FHAD1: variants seen among roughly 807,000 people sequenced by gnomAD.
FHAD1 encodes the protein forkhead associated phosphopeptide binding domain 1.
In FHAD1, 146 loss-of-function variants were observed where a neutral mutation model predicts 191.3. The ratio of observed to expected loss-of-function variants is 0.76; its 90% CI spans 0.67 to 0.88. FHAD1 has a LOEUF of 0.88. FHAD1 is among the 40% of genes least tolerant of loss of function. FHAD1 has a pLI of 0.00. For synonymous variants in FHAD1, 616 were observed against 672.3 expected, an observed-to-expected ratio of 0.92 and a Z score of 1.29; for missense variants, 1,635 against 1,785.8, an observed-to-expected ratio of 0.92 and a Z score of 1.52.
upstream of FHAD1, among the ~76,000 whole-genome samples, chr1:15,242,331 CTGGTTAA>C (rs1645488633): frequency 1.3e-5 from 2 of 151,496 alleles, no homozygotes; most frequent in African/African-American, 4.8e-5. Context: ...AGATTTGTAA[CTGGTTAA>C]GTTACTTGAC....
chr1:15,265,068 G>A (rs540151906), intron 2 of FHAD1, among the ~76,000 whole-genome samples: 5 of 152,222 alleles, frequency 3.3e-5, no homozygotes, highest in South Asian at 2.1e-4. Flanking sequence ...GTTGAATTAC[G>A]TTTGCTAATA....
At chr1:15,239,401 A>G (rs1182045509) in intron 1 of FHAD1, among the ~76,000 whole-genome samples, 1 of 152,064 alleles carries the variant, frequency 6.6e-6, no homozygotes, top group African/African-American at 2.4e-5. Flanking sequence ...AGCCTGGCCA[A>G]CATGGTGAAA....
At chr1:15,335,728 C>T (rs1452236613) in intron 14 of FHAD1, among the ~76,000 whole-genome samples, 1 of 152,110 alleles carries the variant, frequency 6.6e-6, no homozygotes, top group East Asian at 1.9e-4. Context: ...ACATTTATAA[C>T]TTTTGTAAAC....
At position 15,362,321 on chromosome 1, in the gene FHAD1, C is replaced by T. The variant is rs563670239; in HGVS notation, c.2963-321C>T. ...TCTTCTTCCAAGAGAGACAGGCAGG[C>T]GGTGGGACCAGGGGCTGAGACTGCA... On this transcript the variant is annotated intron_variant, in intron 22 of 33. Transcript: ENST00000688493. Among the ~76,000 whole-genome samples the T allele has an allele frequency of 1.8e-4, 28 of 152,310 alleles. 1 individual carries two copies. The highest frequency in any genetic ancestry group is 1.6e-3 in the Admixed American group (25 of 15,290).
At chr1:15,392,489 G>A (rs145476123) in intron 33 of FHAD1, among the ~76,000 whole-genome samples, 41 of 151,946 alleles carry the variant, frequency 2.7e-4, no homozygotes, top group African/African-American at 6.5e-4. Flanking sequence ...CCGAGATTGC[G>A]CCACTGCACT....
chr1:15,341,989 A>G, intron 16 of FHAD1, 101 bp downstream of exon 16: 1 of 1,003,432 alleles, frequency 1.0e-6, no homozygotes, highest in Non-Finnish European at 1.4e-6. Flanking sequence ...AATCTCAGCT[A>G]CTCTGTTTGG....
At chr1:15,263,507 A>ATTTT (rs1652000202) in intron 2 of FHAD1, among the ~76,000 whole-genome samples, 1 of 79,546 alleles carries the variant, frequency 1.3e-5, no homozygotes, top group African/African-American at 4.5e-5. Context: ...GTCCAGTTTT[A>ATTTT]TTCTTTTTTT....
At chr1:15,306,136 G>A (rs753691004) in intron 6 of FHAD1, among the ~76,000 whole-genome samples, 1 of 152,218 alleles carries the variant, frequency 6.6e-6, no homozygotes, top group African/African-American at 2.4e-5. Context: ...TGAGGAACTT[G>A]TTGGGAACTG....
intron 26 of FHAD1, 44 bp from the exon 27 acceptor site, chr1:15,374,458 T>A: frequency 6.5e-7 from 1 of 1,548,724 alleles, no homozygotes; most frequent in Non-Finnish European, 8.7e-7. Context: ...AAGAGAAATC[T>A]TCTAATCCCT....
At chr1:15,360,282 G>A (rs1694351341) in intron 21 of FHAD1, among the ~76,000 whole-genome samples, 196 bp from the exon 22 acceptor site, 2 of 152,250 alleles carry the variant, frequency 1.3e-5, no homozygotes, top group South Asian at 4.1e-4. Context: ...TGATGCTGGA[G>A]CTGAGCCCTG....
rs1396199891 is a variant in FHAD1 at position 15,284,623 on chromosome 1, C to T, written c.301-4776C>T. Among the ~76,000 whole-genome samples the T allele has an allele frequency of 3.9e-5, 6 of 152,080 alleles. 1 individual carries two copies. Among genetic ancestry groups the T allele is most frequent in the African/African-American group, 9.7e-5 (4 of 41,410 alleles). ...TAGGACTCTGGGCAAACTCCCTTGG[C>T]GTTTTAGGGTGTCCTTCTCACCCTG... On this transcript the variant is annotated intron_variant, in intron 3 of 33. Transcript: ENST00000688493.
intron 16 of FHAD1, among the ~76,000 whole-genome samples, chr1:15,342,373 G>A (rs1368623691): frequency 1.3e-5 from 2 of 152,202 alleles, no homozygotes; most frequent in Admixed American, 1.3e-4. Context: ...CCCATGAATT[G>A]TCTGGGGATC....
intron 4 of FHAD1, among the ~76,000 whole-genome samples, chr1:15,296,077 G>A (rs1043445342): frequency 7.9e-5 from 12 of 152,200 alleles, no homozygotes; most frequent in Middle Eastern, 3.4e-3. Context: ...GAGATTAAAC[G>A]ATCTGCCCAA....
At chr1:15,263,510 C>CTTTTATTT (rs1652016077) in intron 2 of FHAD1, among the ~76,000 whole-genome samples, 1 of 75,032 alleles carries the variant, frequency 1.3e-5, no homozygotes, top group Non-Finnish European at 2.7e-5. Flanking sequence ...CAGTTTTATT[C>CTTTTATTT]TTTTTTTTTT....
chr1:15,281,760 CAA>C lies in FHAD1; in HGVS notation c.301-7616_301-7615del, dbSNP rs35950054. Among the ~76,000 whole-genome samples, 376 of 64,412 alleles carry C rather than the reference CAA, an allele frequency of 5.8e-3. 3 individuals carry two copies. Among genetic ancestry groups the C allele is most frequent in the Non-Finnish European group, 8.0e-3 (279 of 34,926 alleles). 42.3% of individuals were successfully genotyped at this position (64,412 alleles called of 152,430 possible). A position where few individuals can be genotyped will look rare whatever the true frequency, so the allele number is the denominator to read the frequency against. Reference sequence around the variant, plus strand: ...TGGGTGACAGAGTGAGACACTGTCTCAAAAAAAAAAAAAAAAAAAAAAAAGGA... The same window carrying C: ...TGGGTGACAGAGTGAGACACTGTCTCAAAAAAAAAAAAAAAAAAAAAAGGA... On this transcript the variant is annotated intron_variant, in intron 3 of 33. Coordinates refer to ENST00000688493, the MANE Select transcript of FHAD1 (RefSeq NM_001391957.1).
chr1:15,275,204 C>T (rs776915793), intron 3 of FHAD1, among the ~76,000 whole-genome samples: 58 of 152,202 alleles, frequency 3.8e-4, no homozygotes, highest in Middle Eastern at 6.8e-3. Context: ...CCTCGTGATC[C>T]GCCCGTCTCA....
At chr1:15,242,231 TAAA>T (rs36173259), upstream of FHAD1, among the ~76,000 whole-genome samples, 36,010 of 122,480 alleles carry the variant, frequency 0.29, 5,164 homozygotes, top group African/African-American at 0.4. Flanking sequence ...AGACTCCATC[TAAA>T]AAAAAAAAAA....
intron 2 of FHAD1, among the ~76,000 whole-genome samples, chr1:15,260,335 G>A (rs7531846): frequency 0.46 from 70,271 of 152,056 alleles, 17,408 homozygotes; most frequent in East Asian, 0.58. Context: ...GCTTAGGACA[G>A]TGCCTGGCAG....
At chr1:15,296,876 C>G in intron 5 of FHAD1, 83 bp downstream of exon 5, 1 of 1,066,302 alleles carries the variant, frequency 9.4e-7, no homozygotes, top group South Asian at 1.6e-5. Context: ...TCTGTGTGGC[C>G]CAGGAGTGCC....
Sources: gnomAD v4.1 joint callset for allele counts (sites outside exome capture counted in the v4.1 genomes callset) on GRCh38, gnomAD v4.1.1 for gene constraint, MANE v1.5 for transcripts, NCBI Gene and HGNC (gene_info 2026-07-23, HGNC 2026-07-21) for gene names.